PDE8B: variants seen among roughly 807,000 people sequenced by gnomAD.
The protein encoded by PDE8B is high affinity cAMP-specific and IBMX-insensitive 3',5'-cyclic phosphodiesterase 8B.
A neutral mutation model predicts 101.3 loss-of-function variants in PDE8B; 26 were observed. The observed-to-expected ratio is 0.26, with a 90% CI of 0.19 to 0.36. The LOEUF is 0.36. PDE8B is among the 10% of genes least tolerant of loss of function. The pLI, the probability that PDE8B is intolerant of heterozygous loss-of-function variation, is 1.00. For synonymous variants in PDE8B, 424 were observed against 429.3 expected (o/e 0.99, Z 0.15); for missense variants, 810 against 1,163.1 (o/e 0.70, Z 4.42).
intron 1 of PDE8B, among the ~76,000 whole-genome samples, chr5:77,247,359 G>T (rs143514732): frequency 6.6e-6 from 1 of 152,162 alleles, no homozygotes; most frequent in African/African-American, 2.4e-5. Flanking sequence ...CTGCAGTCAC[G>T]CAGGGTGCCT....
chr5:77,424,712 C>A (rs2359877), intron 20 of PDE8B, among the ~76,000 whole-genome samples: 20,170 of 152,100 alleles, frequency 0.13, 1,911 homozygotes, highest in African/African-American at 0.27. Flanking sequence ...CATTCATCAT[C>A]CAGAATATTA....
chr5:77,291,419 A>G, intron 1 of PDE8B: 1 of 1,611,632 alleles, frequency 6.2e-7, no homozygotes, highest in Non-Finnish European at 8.5e-7. Context: ...TAGAACCGAC[A>G]ATTGTGACAG....
At chr5:77,304,926 A>G (rs1208831029) in intron 1 of PDE8B, among the ~76,000 whole-genome samples, 2 of 152,232 alleles carry the variant, frequency 1.3e-5, no homozygotes, top group Non-Finnish European at 1.5e-5. Context: ...GAACACAGAT[A>G]GCTGTCAATG....
intron 1 of PDE8B, among the ~76,000 whole-genome samples, chr5:77,261,993 A>C (rs1416915446): frequency 1.3e-5 from 2 of 152,152 alleles, no homozygotes; most frequent in Non-Finnish European, 1.5e-5. Flanking sequence ...TCCAGGGTAA[A>C]ATAAATTGGG....
At chr5:77,314,821 G>A (rs1267322546) in intron 2 of PDE8B, among the ~76,000 whole-genome samples, 1 of 151,984 alleles carries the variant, frequency 6.6e-6, no homozygotes, top group Non-Finnish European at 1.5e-5. Flanking sequence ...GAGATTTCTG[G>A]TTACTCTAAA....
At chr5:77,195,505 T>G in the PDE8B span, among the ~76,000 whole-genome samples, 1 of 152,328 alleles carries the variant, frequency 6.6e-6, no homozygotes. Flanking sequence ...GACATTTCAC[T>G]GTAGTTTTGA....
chr5:77,314,635 G>A (rs1219176583), intron 2 of PDE8B, among the ~76,000 whole-genome samples: 3 of 151,790 alleles, frequency 2.0e-5, no homozygotes, highest in Non-Finnish European at 2.9e-5. Flanking sequence ...ATGTATTATA[G>A]GATTAAATTC....
chr5:77,180,102 G>A, the PDE8B span, among the ~76,000 whole-genome samples: 1 of 152,096 alleles, frequency 6.6e-6, no homozygotes, highest in Non-Finnish European at 1.5e-5. Context: ...CGAATCCTGA[G>A]TCCCAAGAAA....
chr5:77,089,093 C>T, the PDE8B span, among the ~76,000 whole-genome samples: 1 of 152,148 alleles, frequency 6.6e-6, no homozygotes, highest in South Asian at 2.1e-4. Flanking sequence ...ACCCTTTGTA[C>T]CCTGTTAGGA....
chr5:77,296,470 C>G (rs745880055), intron 1 of PDE8B, among the ~76,000 whole-genome samples: 3 of 151,946 alleles, frequency 2.0e-5, no homozygotes, highest in Admixed American at 1.3e-4. Context: ...ACCATGTTAC[C>G]TAGGCTGGTC....
the PDE8B span, among the ~76,000 whole-genome samples, chr5:77,109,801 T>G: frequency 1.3e-5 from 2 of 152,160 alleles, no homozygotes; most frequent in African/African-American, 4.8e-5. Flanking sequence ...ATTAGTATCA[T>G]GCATTCTGAA....
the PDE8B span, among the ~76,000 whole-genome samples, chr5:77,199,013 G>C: frequency 6.6e-6 from 1 of 152,138 alleles, no homozygotes; most frequent in Non-Finnish European, 1.5e-5. Context: ...GGGCTAATGT[G>C]ACTTTTTGAT....
At chr5:77,193,057 A>G in the PDE8B span, among the ~76,000 whole-genome samples, 1 of 152,190 alleles carries the variant, frequency 6.6e-6, no homozygotes, top group Non-Finnish European at 1.5e-5. Flanking sequence ...TTGACTTGTA[A>G]GACTTTTAAA....
At chr5:77,131,526 G>A in the PDE8B span, among the ~76,000 whole-genome samples, 1 of 152,220 alleles carries the variant, frequency 6.6e-6, no homozygotes, top group Non-Finnish European at 1.5e-5. Flanking sequence ...AAGTCCAGAT[G>A]TGCAAACTTG....
At chr5:77,290,773 C>G in intron 1 of PDE8B, 5 of 1,483,030 alleles carry the variant, frequency 3.4e-6, no homozygotes, top group Non-Finnish European at 4.7e-6. Context: ...TTCAATTTCC[C>G]TGTGGCAGTG....
At chr5:77,282,307 G>C (rs766320247) in intron 1 of PDE8B, among the ~76,000 whole-genome samples, 45 of 151,962 alleles carry the variant, frequency 3.0e-4, no homozygotes, top group Non-Finnish European at 5.9e-4. Flanking sequence ...AGCTTATTCA[G>C]CTCTCTCCCA....
chr5:77,243,034 A>G (rs560042790), intron 1 of PDE8B, among the ~76,000 whole-genome samples: 4 of 152,314 alleles, frequency 2.6e-5, no homozygotes, highest in East Asian at 1.9e-4. Context: ...ATACCAATCA[A>G]TTATACTTTT....
chr5:77,213,500 A>G (rs945481746), intron 1 of PDE8B, among the ~76,000 whole-genome samples: 1 of 152,234 alleles, frequency 6.6e-6, no homozygotes, highest in Admixed American at 6.5e-5. Context: ...TAAAGTTCAC[A>G]TGTTCTGTGC....
chr5:77,402,006 T>A (rs1792384245), intron 11 of PDE8B, among the ~76,000 whole-genome samples: 1 of 152,212 alleles, frequency 6.6e-6, no homozygotes, highest in Admixed American at 6.5e-5. Flanking sequence ...CTCTTTTAGT[T>A]TTGTTTAGAA....
Sources: allele counts gnomAD v4.1 joint callset (sites outside exome capture counted in the v4.1 genomes callset), GRCh38; gene constraint gnomAD v4.1.1; transcripts MANE v1.5; gene names NCBI Gene and HGNC (gene_info 2026-07-23, HGNC 2026-07-21).